The following DOK6 variants were observed in gnomAD, a reference collection of about 807,000 sequenced individuals.
DOK6 encodes the protein docking protein 6.
A neutral mutation model predicts 44.0 loss-of-function variants in DOK6; 22 were observed. That is an observed-to-expected ratio of 0.50 (90% CI 0.36 to 0.71). The LOEUF (loss-of-function observed/expected upper bound fraction) is 0.71, where lower values mean the gene tolerates loss of function less well. DOK6 is among the 30% of genes least tolerant of loss of function. DOK6 has a pLI of 0.00. For synonymous variants in DOK6, 166 were observed against 145.5 expected, an observed-to-expected ratio of 1.14 and a Z score of -1.01; for missense variants, 340 against 416.4, an observed-to-expected ratio of 0.82 and a Z score of 1.60.
At chr18:69,637,526 A>C (rs1984837235) in intron 3 of DOK6, among the ~76,000 whole-genome samples, 1 of 152,172 alleles carries the variant, frequency 6.6e-6, no homozygotes, top group African/African-American at 2.4e-5. Context: ...TCATTCAGGG[A>C]GAAAGAAAAG....
At chr18:69,510,625 T>C (rs1383774268) in intron 1 of DOK6, among the ~76,000 whole-genome samples, 1 of 152,202 alleles carries the variant, frequency 6.6e-6, no homozygotes, top group Non-Finnish European at 1.5e-5. Context: ...TATATATCTG[T>C]ATATTGGCCA....
intron 3 of DOK6, among the ~76,000 whole-genome samples, chr18:69,646,008 G>C (rs1283729757): frequency 1.3e-5 from 2 of 151,968 alleles, no homozygotes; most frequent in Non-Finnish European, 2.9e-5. Flanking sequence ...CTTTTTACCT[G>C]GGATCTAAAA....
chr18:69,830,446 A>T (rs773354946), intron 7 of DOK6, among the ~76,000 whole-genome samples: 1 of 152,176 alleles, frequency 6.6e-6, no homozygotes. Context: ...GACAACTGAC[A>T]TGCTCACACA....
intron 3 of DOK6, among the ~76,000 whole-genome samples, chr18:69,673,142 G>T (rs1002363133): frequency 1.3e-5 from 2 of 152,076 alleles, no homozygotes; most frequent in East Asian, 3.9e-4. Flanking sequence ...AGTCTTACTT[G>T]CATCTTCTAA....
intron 4 of DOK6, among the ~76,000 whole-genome samples, chr18:69,691,264 A>C (rs1986260732): frequency 6.6e-6 from 1 of 152,082 alleles, no homozygotes; most frequent in African/African-American, 2.4e-5. Flanking sequence ...TTGTCTCTGT[A>C]TTGTGGCCAC....
intron 1 of DOK6, among the ~76,000 whole-genome samples, chr18:69,509,744 G>T (rs1296428521): frequency 7.0e-6 from 1 of 143,406 alleles, no homozygotes; most frequent in Admixed American, 7.0e-5. Context: ...CAAATAAATT[G>T]TTCACTTAAT....
rs2852144 is a variant in DOK6 at position 69,804,719 on chromosome 18, G to C, written c.857-36525G>C. Among the ~76,000 whole-genome samples, 1,451 of 152,256 alleles carry C rather than the reference G, an allele frequency of 9.5e-3. 20 individuals are homozygous for C. Among genetic ancestry groups the C allele is most frequent in the African/African-American group, 0.033 (1,388 of 41,550 alleles). ...TGGCCAGAATTATGCCATAGAGGAT[G>C]AGATTCAGGACCAAACCAGTTCAGC... On this transcript the variant is annotated intron_variant, in intron 7 of 7. Coordinates refer to ENST00000382713, the MANE Select transcript of DOK6 (RefSeq NM_152721.6).
In DOK6 at chr18:69,621,193, T is replaced by A. The variant is rs1204273772; in HGVS notation, c.289+21695T>A. 2.0e-5 allele frequency among the ~76,000 whole-genome samples: 3 copies of A among 152,294 alleles called. No homozygotes were observed. In the East Asian group the frequency reaches 5.8e-4, roughly 29 times the overall value. On this transcript the variant is annotated intron_variant, in intron 3 of 7. Transcript: ENST00000382713. ...ACACCTAGCACCAACTGCCTAGGTT[T>A]AAATCCTGGCTCTCCATGTCCTAGT...
At chr18:69,444,564 A>T (rs2122447054) in intron 1 of DOK6, among the ~76,000 whole-genome samples, 1 of 152,222 alleles carries the variant, frequency 6.6e-6, no homozygotes. Flanking sequence ...CTTAGTGCCG[A>T]ATACCATATT....
At chr18:69,585,406 T>C (rs1983475668) in intron 2 of DOK6, among the ~76,000 whole-genome samples, 1 of 152,224 alleles carries the variant, frequency 6.6e-6, no homozygotes, top group Non-Finnish European at 1.5e-5. Flanking sequence ...ATCTTTTCAG[T>C]TTTCACAAAT....
chr18:69,494,579 T>C (rs1550597), intron 1 of DOK6, among the ~76,000 whole-genome samples: 68,673 of 152,022 alleles, frequency 0.45, 15,946 homozygotes, highest in African/African-American at 0.49. Context: ...CATTTTATTT[T>C]CTGGAATTAC....
chr18:69,601,808 T>C (rs12968410), intron 3 of DOK6, among the ~76,000 whole-genome samples: 65,008 of 151,922 alleles, frequency 0.43, 14,462 homozygotes, highest in Non-Finnish European at 0.5. Context: ...GACCGGGGCA[T>C]GAAATACACA....
intron 7 of DOK6, among the ~76,000 whole-genome samples, chr18:69,780,344 C>T (rs949884838): frequency 6.6e-6 from 1 of 152,166 alleles, no homozygotes; most frequent in South Asian, 2.1e-4. Flanking sequence ...GTAATCCCAG[C>T]ACTTTGGGAG....
At chr18:69,822,698 T>C (rs1385471696) in intron 7 of DOK6, among the ~76,000 whole-genome samples, 2 of 152,220 alleles carry the variant, frequency 1.3e-5, no homozygotes, top group Non-Finnish European at 1.5e-5. Context: ...AAGGCAGTCA[T>C]TGCCTTTGCT....
chr18:69,585,103 C>T (rs1983468619), intron 2 of DOK6, among the ~76,000 whole-genome samples: 1 of 151,706 alleles, frequency 6.6e-6, no homozygotes, highest in Admixed American at 6.6e-5. Flanking sequence ...ATCACATTTT[C>T]AGTTGAATGT....
chr18:69,508,627 G>A (rs923070645), intron 1 of DOK6, among the ~76,000 whole-genome samples: 1 of 152,192 alleles, frequency 6.6e-6, no homozygotes, highest in Non-Finnish European at 1.5e-5. Flanking sequence ...GGGTTACATG[G>A]TTCTAGGCAG....
At chr18:69,515,962 G>A (rs1164871301) in intron 1 of DOK6, among the ~76,000 whole-genome samples, 6 of 152,140 alleles carry the variant, frequency 3.9e-5, no homozygotes, top group African/African-American at 7.2e-5. Flanking sequence ...AATTTCCACC[G>A]ATATTCACAC....
In DOK6 at chr18:69,790,071, C is replaced by T. The variant is rs1181668062; in HGVS notation, c.856+32198C>T. The stretch of plus-strand genomic sequence containing the variant: ...AGTTGAACAAGAGGTACAGACTAAA[C>T]CCCAAGTCCTCTATTATCTGTGACC... On this transcript the variant is annotated intron_variant, in intron 7 of 7. Transcript: ENST00000382713. 2.6e-5 allele frequency among the ~76,000 whole-genome samples: 4 copies of T among 152,132 alleles called. No individual in the cohort carries two copies. In the East Asian group the frequency reaches 5.8e-4, roughly 22 times the overall value.
intron 2 of DOK6, among the ~76,000 whole-genome samples, chr18:69,593,339 G>T (rs768602017): frequency 2.0e-5 from 3 of 151,146 alleles, no homozygotes; most frequent in African/African-American, 7.3e-5. Context: ...ACCACTTCAC[G>T]CCAGCCTGGG....
Sources: allele counts gnomAD v4.1 joint callset (sites outside exome capture counted in the v4.1 genomes callset), GRCh38; gene constraint gnomAD v4.1.1; transcripts MANE v1.5; gene names NCBI Gene and HGNC (gene_info 2026-07-23, HGNC 2026-07-21).